Variants in PHGDH observed in about 807,000 individuals in gnomAD.
The protein encoded by PHGDH is phosphoglycerate dehydrogenase.
In PHGDH, 50 loss-of-function variants were observed where a neutral mutation model predicts 52.6. The observed-to-expected ratio is 0.95, with a 90% CI of 0.76 to 1.20. The LOEUF (loss-of-function observed/expected upper bound fraction) is 1.20. PHGDH is among the 50% of genes most tolerant of loss of function. PHGDH has a pLI of 0.00. For synonymous variants in PHGDH, 271 were observed against 280.5 expected, an observed-to-expected ratio of 0.97 and a Z score of 0.34; for missense variants, 630 against 684.6, an observed-to-expected ratio of 0.92 and a Z score of 0.89.
chr1:119,738,174 A>G (rs1652028278), intron 8 of PHGDH, among the ~76,000 whole-genome samples: 1 of 152,018 alleles, frequency 6.6e-6, no homozygotes, highest in East Asian at 1.9e-4. Flanking sequence ...GGCCCAGGCC[A>G]TGGAGTCAAA....
chr1:119,719,380 T>C (rs1651053556), intron 1 of PHGDH, among the ~76,000 whole-genome samples: 1 of 152,250 alleles, frequency 6.6e-6, no homozygotes, highest in Admixed American at 6.5e-5. Context: ...GTTTTTCCTC[T>C]GTAAAATGGA....
At chr1:119,743,564 T>A (rs1180143866) in intron 11 of PHGDH, among the ~76,000 whole-genome samples, 2 of 152,238 alleles carry the variant, frequency 1.3e-5, no homozygotes, top group Non-Finnish European at 2.9e-5. Flanking sequence ...CTTCAAACCC[T>A]GAAGGGCCTA....
chr1:119,734,567 A>G (rs1037489478), intron 5 of PHGDH, 67 bp from the exon 6 acceptor site: 38 of 1,508,030 alleles, frequency 2.5e-5, no homozygotes, highest in East Asian at 6.8e-5. Context: ...AATGTTTGCC[A>G]TTCTTAATAA....
At chr1:119,741,024 C>T (rs1652181189) in intron 9 of PHGDH, among the ~76,000 whole-genome samples, 1 of 152,180 alleles carries the variant, frequency 6.6e-6, no homozygotes, top group Admixed American at 6.5e-5. Flanking sequence ...GGCCGTCTGA[C>T]AGCCCTCGAG....
At chr1:119,727,899 A>G (rs970845966) in intron 5 of PHGDH, among the ~76,000 whole-genome samples, 27 of 152,196 alleles carry the variant, frequency 1.8e-4, no homozygotes, top group Non-Finnish European at 3.2e-4. Flanking sequence ...AACTCCCTTT[A>G]TAGGAGTTTT....
In PHGDH at chr1:119,743,970, TCTC is replaced by T; in HGVS notation, c.1538_1540del (p.Ser513del). The T allele has an allele frequency of 1.2e-6, 2 of 1,613,586 alleles. No individual in the cohort carries two copies. The highest frequency in any genetic ancestry group is 1.7e-6 in the Non-Finnish European group (2 of 1,179,490). ...GGGGAGACCTGGCACGTCATGGGCATCTCCTCCTTGCTGCCCAGCCTGGAAGCG... is the reference window on the plus strand; with the variant it reads ...GGGGAGACCTGGCACGTCATGGGCATCTCCTTGCTGCCCAGCCTGGAAGCG... On this transcript the variant is annotated inframe_deletion, in exon 12 of 12. Transcript: ENST00000641023.
rs916652519 is a variant in PHGDH at position 119,739,659 on chromosome 1, A to G, written c.946-727A>G. 5.9e-5 allele frequency: 9 copies of G among 152,350 alleles called. No homozygotes were observed. In the South Asian group the frequency reaches 1.0e-3, roughly 18 times the overall value. The allele number at this position is 152,350 out of a possible 1,614,324, so 9.4% of individuals were successfully genotyped here. A position where few individuals can be genotyped will look rare whatever the true frequency, so the allele number is the denominator to read the frequency against. On this transcript the variant is annotated intron_variant, in intron 8 of 11. Coordinates refer to ENST00000641023, the MANE Select transcript of PHGDH (RefSeq NM_006623.4). ...TCTAAGATGGTTGACTTTACAAGTT[A>G]TCTCAATAAAAGTGGCCAGATGCCT...
At chr1:119,713,802 A>G (rs1205853863) in intron 1 of PHGDH, among the ~76,000 whole-genome samples, 1 of 152,118 alleles carries the variant, frequency 6.6e-6, no homozygotes. Flanking sequence ...GAGGGTGGCA[A>G]TCAAGTGCTT....
chr1:119,724,071 G>A (rs1651288041), intron 3 of PHGDH, among the ~76,000 whole-genome samples: 1 of 152,120 alleles, frequency 6.6e-6, no homozygotes, highest in Non-Finnish European at 1.5e-5. Context: ...AGTGGATGGG[G>A]CAGCCTAGAA....
chr1:119,732,939 T>C (rs1384723043), intron 5 of PHGDH, among the ~76,000 whole-genome samples: 1 of 152,082 alleles, frequency 6.6e-6, no homozygotes, highest in Admixed American at 6.5e-5. Context: ...GAAAAAAAAA[T>C]ACATCTGGAT....
At chr1:119,736,044 C>T (rs1210962274) in intron 7 of PHGDH, among the ~76,000 whole-genome samples, 1 of 152,176 alleles carries the variant, frequency 6.6e-6, no homozygotes, top group East Asian at 1.9e-4. Flanking sequence ...AAGATCCTGT[C>T]CCCAACATTG....
At chr1:119,713,500 G>C (rs2101139300) in intron 1 of PHGDH, 1 of 152,398 alleles carries the variant, frequency 6.6e-6, no homozygotes, top group South Asian at 2.1e-4. Flanking sequence ...GCAGGAGACA[G>C]TTGAGCAGAT....
chr1:119,731,277 T>A (rs1651678108), intron 5 of PHGDH, among the ~76,000 whole-genome samples: 1 of 152,184 alleles, frequency 6.6e-6, no homozygotes. Context: ...GTCTTAACGC[T>A]CTATACTGTT....
intron 7 of PHGDH, among the ~76,000 whole-genome samples, chr1:119,736,790 T>C (rs959848252): frequency 6.6e-6 from 1 of 152,190 alleles, no homozygotes; most frequent in African/African-American, 2.4e-5. Flanking sequence ...CCCACAGTAA[T>C]GTTATGAGGG....
chr1:119,731,604 T>C (rs993404178), intron 5 of PHGDH, among the ~76,000 whole-genome samples: 28 of 152,292 alleles, frequency 1.8e-4, no homozygotes, highest in African/African-American at 5.8e-4. Context: ...TCGGTTCCTG[T>C]GCTTGAAATG....
At chr1:119,723,632 GTTCCCTAGTGCACAAAGGTGCAC>G (rs1651272411) in intron 3 of PHGDH, among the ~76,000 whole-genome samples, 191 bp downstream of exon 3, 1 of 152,030 alleles carries the variant, frequency 6.6e-6, no homozygotes, top group Middle Eastern at 3.2e-3. Flanking sequence ...CATTACACAG[GTTCCCTAGTGCACAAAGGTGCAC>G]TTCTCTTTAC....
intron 7 of PHGDH, among the ~76,000 whole-genome samples, chr1:119,735,870 CCTT>C (rs1651910990): frequency 1.3e-5 from 2 of 152,284 alleles, no homozygotes; most frequent in Admixed American, 6.5e-5. Flanking sequence ...ATTCTTTTTC[CCTT>C]CTTCTCTTGC....
chr1:119,721,257 G>T lies in PHGDH; in HGVS notation c.226G>T (p.Ala76Ser), dbSNP rs200509653. ...AAEKLQVVGR[A>S]GTGVDNVDLE... ...TGAGAAACTCCAGGTGGTGGGCAGG[G>T]CTGGCACAGGTGTGGACAATGTGGA... The change falls in exon 2 of 12, where the codon GCT (alanine) becomes TCT (serine). Residue 76 changes from alanine to serine, a missense_variant. Ala to Ser is a moderately conservative substitution (Grantham distance 99). Transcript: ENST00000641023. 2.7e-5 allele frequency: 43 copies of T among 1,614,204 alleles called. No individual in the cohort carries two copies. In the East Asian group the frequency reaches 9.1e-4, roughly 34 times the overall value.
At chr1:119,726,013 T>G (rs1358101224) in intron 3 of PHGDH, among the ~76,000 whole-genome samples, 4 of 152,048 alleles carry the variant, frequency 2.6e-5, no homozygotes, top group Non-Finnish European at 5.9e-5. Context: ...TCTCAAATCT[T>G]CCTTTTTTGC....
Sources: allele counts gnomAD v4.1 joint callset (sites outside exome capture counted in the v4.1 genomes callset), GRCh38; gene constraint gnomAD v4.1.1; transcripts MANE v1.5; gene names NCBI Gene and HGNC (gene_info 2026-07-23, HGNC 2026-07-21).